The following LEMD3 variants were observed in gnomAD, a reference collection of about 807,000 sequenced individuals.
LEMD3 encodes the protein inner nuclear membrane protein Man1.
Under a neutral mutation model 95.2 loss-of-function variants are expected in LEMD3, and 33 were observed. The observed-to-expected ratio is 0.35, with a 90% confidence interval of 0.26 to 0.46. LEMD3 has a LOEUF of 0.46. Ranked by LOEUF, LEMD3 falls within the 20% of genes least tolerant of loss-of-function variation. The pLI is 1.00. For synonymous variants in LEMD3, 525 were observed against 474.6 expected, an observed-to-expected ratio of 1.11 and a Z score of -1.38; for missense variants, 1,210 against 1,192.8, an observed-to-expected ratio of 1.01 and a Z score of -0.21.
chr12:65,214,925 C>T (rs1870054961), intron 2 of LEMD3, among the ~76,000 whole-genome samples: 1 of 152,088 alleles, frequency 6.6e-6, no homozygotes, highest in South Asian at 2.1e-4. Flanking sequence ...TTAGGCTGTA[C>T]CATTGCAATA....
At position 65,199,608 on chromosome 12, in the gene LEMD3, A is replaced by G. The variant is rs186854952; in HGVS notation, c.1523-11318A>G. On this transcript the variant is annotated intron_variant, in intron 1 of 12. Coordinates refer to ENST00000308330, the MANE Select transcript of LEMD3 (RefSeq NM_014319.5). ...TATATTAAACATCATTCTAAAACCAAAAAAAAATTGTTACATTACAATGAA... is the reference window on the plus strand; with the variant it reads ...TATATTAAACATCATTCTAAAACCAGAAAAAAATTGTTACATTACAATGAA... Among the ~76,000 whole-genome samples, 11 of 147,998 alleles carry G rather than the reference A, an allele frequency of 7.4e-5. No individual in the cohort carries two copies. In the Admixed American group the frequency reaches 7.5e-4, roughly 10 times the overall value.
chr12:65,189,256 G>A (rs1024991079), intron 1 of LEMD3, among the ~76,000 whole-genome samples: 1 of 152,162 alleles, frequency 6.6e-6, no homozygotes, highest in African/African-American at 2.4e-5. Context: ...CATAAGGAGG[G>A]AGGAGGGACT....
intron 4 of LEMD3, among the ~76,000 whole-genome samples, chr12:65,219,047 C>G (rs995760408): frequency 3.9e-5 from 6 of 152,076 alleles, no homozygotes; most frequent in Non-Finnish European, 8.8e-5. Context: ...ATGCCTTGGC[C>G]TCCCAAAGTG....
intron 1 of LEMD3, among the ~76,000 whole-genome samples, chr12:65,189,781 T>G (rs1869181261): frequency 6.6e-6 from 1 of 152,150 alleles, no homozygotes; most frequent in Admixed American, 6.5e-5. Flanking sequence ...CCATATAGGC[T>G]CTCTTTAAAT....
chr12:65,177,107 G>C (rs1868743322), intron 1 of LEMD3, among the ~76,000 whole-genome samples: 1 of 152,156 alleles, frequency 6.6e-6, no homozygotes, highest in African/African-American at 2.4e-5. Flanking sequence ...CAAATGATCA[G>C]TCTTACATGA....
chr12:65,173,162 G>A (rs1439560075), intron 1 of LEMD3, among the ~76,000 whole-genome samples: 1 of 152,162 alleles, frequency 6.6e-6, no homozygotes, highest in Non-Finnish European at 1.5e-5. Flanking sequence ...GTTATTGTTT[G>A]TAGAGAGCTT....
At chr12:65,232,035 A>G (rs537295042) in intron 4 of LEMD3, among the ~76,000 whole-genome samples, 2 of 152,194 alleles carry the variant, frequency 1.3e-5, no homozygotes, top group Non-Finnish European at 2.9e-5. Context: ...TAATTTTCTA[A>G]TATTTCTTAG....
At position 65,182,943 on chromosome 12, in the gene LEMD3, G is replaced by A. The variant is rs550162863; in HGVS notation, c.1522+11825G>A. Among the ~76,000 whole-genome samples the A allele has an allele frequency of 2.1e-3, 319 of 152,250 alleles. 1 individual carries two copies. Among genetic ancestry groups the A allele is most frequent in the Non-Finnish European group, 3.8e-3 (261 of 68,002 alleles). On this transcript the variant is annotated intron_variant, in intron 1 of 12. Transcript: ENST00000308330. ...TATTATCAAAGTGGGAAGATGACAT[G>A]TGTCCCCATGAATAGGCAATAGGTG...
rs941703400 is a variant in LEMD3, at chr12:65,248,218, G to A, written c.*1893G>A. The A allele has an allele frequency of 6.6e-6, 1 of 152,258 alleles. No individual in the cohort carries two copies. 9.4% of individuals were successfully genotyped at this position (152,258 alleles called of 1,614,324 possible). A position where few individuals can be genotyped will look rare whatever the true frequency, so the allele number is the denominator to read the frequency against. ...CAAGATCCCTCCCTGCAAGACAGAT[G>A]GGAATGTGTATAATAACTAGGTATT... On this transcript the variant is annotated 3_prime_UTR_variant, in exon 13 of 13. Transcript: ENST00000308330.
intron 4 of LEMD3, among the ~76,000 whole-genome samples, chr12:65,236,872 A>G (rs1438138188): frequency 6.6e-6 from 1 of 152,166 alleles, no homozygotes; most frequent in Non-Finnish European, 1.5e-5. Flanking sequence ...TTCCATGAAG[A>G]AAACAAGTAG....
At position 65,245,953 on chromosome 12, in the gene LEMD3, G is replaced by A; in HGVS notation, c.2572+14G>A. 6.4e-7 allele frequency: 1 copy of A among 1,572,476 alleles called. No individual in the cohort carries two copies. Among genetic ancestry groups the A allele is most frequent in the Middle Eastern group, 1.9e-4 (1 of 5,322 alleles). On this transcript the variant is annotated intron_variant, in intron 12 of 12. Coordinates refer to ENST00000308330, the MANE Select transcript of LEMD3 (RefSeq NM_014319.5). ...CTTGGTTTGATGGTAAGAAATTTGA[G>A]TACTACAAACATTTTGAAAAGATAG...
At chr12:65,220,252 A>G (rs1870242940) in intron 4 of LEMD3, among the ~76,000 whole-genome samples, 1 of 152,074 alleles carries the variant, frequency 6.6e-6, no homozygotes, top group Non-Finnish European at 1.5e-5. Flanking sequence ...TTCCCTGATG[A>G]TTACTGATGT....
At chr12:65,244,959 A>G (rs1871053074) in intron 10 of LEMD3, among the ~76,000 whole-genome samples, 1 of 152,080 alleles carries the variant, frequency 6.6e-6, no homozygotes, top group Admixed American at 6.6e-5. Context: ...TCAAATAACT[A>G]ACATTTAACT....
chr12:65,223,299 A>ATTTTTTT (rs35145654), intron 4 of LEMD3, among the ~76,000 whole-genome samples: 1 of 118,654 alleles, frequency 8.4e-6, no homozygotes, highest in Admixed American at 8.8e-5. Flanking sequence ...TCATGTGATG[A>ATTTTTTT]TTTTTTTTTT....
At chr12:65,176,561 G>A (rs1159066744) in intron 1 of LEMD3, among the ~76,000 whole-genome samples, 2 of 152,118 alleles carry the variant, frequency 1.3e-5, no homozygotes, top group African/African-American at 4.8e-5. Context: ...ATATTTGTGT[G>A]TCCACCATGC....
chr12:65,235,320 T>G (rs1182378965), intron 4 of LEMD3, among the ~76,000 whole-genome samples: 1 of 152,106 alleles, frequency 6.6e-6, no homozygotes, highest in African/African-American at 2.4e-5. Context: ...TTGAAACTAA[T>G]TGCCTGAAAT....
intron 1 of LEMD3, among the ~76,000 whole-genome samples, chr12:65,192,903 A>G (rs956950829): frequency 6.6e-6 from 1 of 152,220 alleles, no homozygotes; most frequent in African/African-American, 2.4e-5. Flanking sequence ...GTATTATAAC[A>G]TAAAACAAAG....
Position 65,238,569 on chromosome 12 carries a change from A to G in LEMD3, c.1763A>G (p.Asp588Gly), listed in dbSNP as rs112859075. The G allele has an allele frequency of 3.7e-6, 6 of 1,612,472 alleles. No homozygotes were observed. The highest frequency in any genetic ancestry group is 2.2e-5 in the East Asian group (1 of 44,838). ...SLQWILENGK[D>G]VGIRCVGFGP... is the part of the protein sequence containing the mutation. ...CAGTGGATCTTAGAAAATGGAAAAG[A>G]TGTTGGAATAAGGTAAAGGATCTGA... Residue 588 changes from aspartate (D) to glycine (G), a missense_variant, in exon 5 of 13, where the codon GAT (aspartate) becomes GGT (glycine). Asp to Gly is a moderately conservative substitution (Grantham distance 94). Transcript: ENST00000308330.
intron 1 of LEMD3, among the ~76,000 whole-genome samples, chr12:65,173,683 T>C (rs1464020711): frequency 3.9e-5 from 6 of 152,238 alleles, no homozygotes; most frequent in African/African-American, 9.6e-5. Flanking sequence ...ACAGTATATC[T>C]AGAGAGATAA....
Sources: allele counts gnomAD v4.1 joint callset (sites outside exome capture counted in the v4.1 genomes callset), GRCh38; gene constraint gnomAD v4.1.1; transcripts MANE v1.5; gene names NCBI Gene and HGNC (gene_info 2026-07-23, HGNC 2026-07-21).